The following CEL variants were observed in gnomAD, a reference collection of about 807,000 sequenced individuals.
CEL encodes carboxyl ester lipase.
Under a neutral mutation model 57.1 loss-of-function variants are expected in CEL, and 39 were observed. The ratio of observed to expected loss-of-function variants is 0.68; its 90% confidence interval spans 0.53 to 0.89. The LOEUF is 0.89. CEL is among the 40% of genes least tolerant of loss of function. The pLI, the probability that CEL is intolerant of heterozygous loss-of-function variation, is 0.00. For synonymous variants in CEL, 314 were observed against 396.6 expected, an observed-to-expected ratio of 0.79 and a Z score of 2.48; for missense variants, 698 against 915.0, an observed-to-expected ratio of 0.76 and a Z score of 3.06.
chr9:133,066,824 T>G lies in CEL; in HGVS notation c.670-14T>G. ...GGGGAGCGGCCTTGGTGACGGGATT[T>G]CTGGGTCCCGTAGACCCTCTCCCCC... On this transcript the variant is annotated splice_polypyrimidine_tract_variant and intron_variant, in intron 5 of 10. Coordinates refer to ENST00000372080, the MANE Select transcript of CEL (RefSeq NM_001807.6). The surrounding 1 kb of genome is among the most constrained non-coding windows in gnomAD (Gnocchi z 4.3). 1.9e-6 allele frequency: 3 copies of G among 1,610,402 alleles called. No homozygotes were observed. The highest frequency in any genetic ancestry group is 2.5e-6 in the Non-Finnish European group (3 of 1,178,310).
At chr9:133,070,298 GT>G (rs1830239617) in intron 9 of CEL, among the ~76,000 whole-genome samples, 162 bp from the exon 10 acceptor site, 1 of 147,758 alleles carries the variant, frequency 6.8e-6, no homozygotes, top group South Asian at 2.2e-4. Context: ...CATGAATTTG[GT>G]TCTCAGCTTT....
chr9:133,070,374 T>G (rs2119068555), intron 9 of CEL, 87 bp from the exon 10 acceptor site: 1 of 1,122,030 alleles, frequency 8.9e-7, no homozygotes, highest in Non-Finnish European at 1.3e-6. Context: ...CCCTGCCCAC[T>G]GCCCGGGACC....
Position 133,065,241 on chromosome 9 carries a change from C to T in CEL, c.538+4C>T, listed in dbSNP as rs368601800. The T allele has an allele frequency of 1.1e-5, 18 of 1,612,314 alleles. No individual in the cohort carries two copies. Among genetic ancestry groups the T allele is most frequent in the African/African-American group, 6.7e-5 (5 of 74,936 alleles). ...ACTGGGGACGCCAATCTGCCAGGTG[C>T]GTGGGTGCCTTCGGCCCTGAGGTGG... is the stretch of plus-strand genomic sequence containing the variant. On this transcript the variant is annotated splice_donor_region_variant and intron_variant, in intron 4 of 10. Coordinates refer to ENST00000372080, the MANE Select transcript of CEL (RefSeq NM_001807.6).
chr9:133,069,747 G>A (rs1218433606), intron 9 of CEL, among the ~76,000 whole-genome samples: 3 of 152,090 alleles, frequency 2.0e-5, no homozygotes, highest in African/African-American at 7.3e-5. Context: ...AAGGTGGGAG[G>A]ATCACTTGAG....
Position 133,064,646 on chromosome 9 carries a change from T to A in CEL, c.224T>A (p.Leu75Gln). 6.2e-7 allele frequency: 1 copy of A among 1,613,904 alleles called. No homozygotes were observed. The highest frequency in any genetic ancestry group is 1.3e-5 in the African/African-American group (1 of 75,024). The change falls in exon 3 of 11, where the codon CTG (leucine) becomes CAG (glutamine). Residue 75 changes from leucine to glutamine, a missense_variant. Transcript: ENST00000372080. ...PQPHPGWQGTLKAKNFKKRCL... is the reference protein window; with the variant it reads ...PQPHPGWQGTQKAKNFKKRCL... ...CAACTCCTGCCACCTGCAGGGACCC[T>A]GAAGGCCAAGAACTTCAAGAAGAGA...
At chr9:133,063,777 G>A (rs930017154) in intron 1 of CEL, among the ~76,000 whole-genome samples, 4 of 152,198 alleles carry the variant, frequency 2.6e-5, no homozygotes, top group Non-Finnish European at 5.9e-5. Flanking sequence ...ACAGGGAAGC[G>A]TGGCGGGGGT....
intron 3 of CEL, 76 bp downstream of exon 3, chr9:133,064,838 G>A: frequency 6.2e-7 from 1 of 1,605,504 alleles, no homozygotes; most frequent in Non-Finnish European, 8.5e-7. Context: ...CTTGAGTCTG[G>A]GGGCTGCAAA....
chr9:133,071,283 C>A lies in CEL; in HGVS notation c.1781C>A (p.Pro594Gln). ...PTGDSGAPPV[P>Q]PTGDSGAPPV... is the part of the protein sequence containing the mutation. ...GGTGACTCCGGGGCCCCCCCCGTGCCGCCCACGGGTGACTCCGGGGCCCCC... is the reference window on the plus strand; with the variant it reads ...GGTGACTCCGGGGCCCCCCCCGTGCAGCCCACGGGTGACTCCGGGGCCCCC... Residue 594 changes from proline to glutamine, a missense_variant, in exon 11 of 11, where the codon CCG becomes CAG. Pro to Gln is a moderately conservative substitution (Grantham distance 76). Coordinates refer to ENST00000372080, the MANE Select transcript of CEL (RefSeq NM_001807.6). 2 of 1,391,380 alleles carry A rather than the reference C, an allele frequency of 1.4e-6. No homozygotes were observed. The highest frequency in any genetic ancestry group is 1.9e-6 in the Non-Finnish European group (2 of 1,030,036). The allele number at this position is 1,391,380 out of a possible 1,614,324, so 86.2% of individuals were successfully genotyped here.
rs1386675594 is a variant in CEL at position 133,066,248 on chromosome 9, C to T, written c.539-282C>T. Among the ~76,000 whole-genome samples, 1 of 151,768 alleles carries T rather than the reference C, an allele frequency of 6.6e-6. No homozygotes were observed. The highest frequency in any genetic ancestry group is 6.6e-5 in the Admixed American group (1 of 15,240). ...ACCACCCCCTCCAGCACCACACCAA[C>T]CCAACCTCCTGGGGACCCACCCCAT... On this transcript the variant is annotated intron_variant, in intron 4 of 10. Coordinates refer to ENST00000372080, the MANE Select transcript of CEL (RefSeq NM_001807.6). The surrounding 1 kb of genome is among the most constrained non-coding windows in gnomAD (Gnocchi z 4.3).
Position 133,066,970 on chromosome 9 carries a change from G to GGGGGGGT in CEL, c.777+25_777+26insGGGGGGT. 6.3e-7 allele frequency: 1 copy of GGGGGGGT among 1,580,654 alleles called. No individual in the cohort carries two copies. The highest frequency in any genetic ancestry group is 8.7e-7 in the Non-Finnish European group (1 of 1,150,286). ...GGTAAACGGAGGAGGGCAGGGCTGG[G>GGGGGGGT]CGGGGTGGGGGCTGTCCACATTTCC... On this transcript the variant is annotated intron_variant, in intron 6 of 10. Coordinates refer to ENST00000372080, the MANE Select transcript of CEL (RefSeq NM_001807.6). This position sits in a 1 kb window ranked among gnomAD's most constrained non-coding sequence, Gnocchi z 4.3.
chr9:133,065,602 G>A (rs1177656016), intron 4 of CEL, among the ~76,000 whole-genome samples: 1 of 152,180 alleles, frequency 6.6e-6, no homozygotes, highest in South Asian at 2.1e-4. Flanking sequence ...ATCCCAGCAC[G>A]TTGGGAGCCC....
chr9:133,064,955 G>A (rs1564210658), intron 3 of CEL, 85 bp from the exon 4 acceptor site: 1 of 1,579,228 alleles, frequency 6.3e-7, no homozygotes, highest in Admixed American at 1.7e-5. Context: ...CTTGGCCCCA[G>A]GCACCTGCTG....
rs1830234903 is a variant in CEL, at chr9:133,069,840, G to A, written c.1286+581G>A. Reference sequence around the variant, plus strand: ...ACAAAAATTATCCAGGCATGGTGGTGCATGCCTATAATCCTAGCTACTCAG... The same window carrying A: ...ACAAAAATTATCCAGGCATGGTGGTACATGCCTATAATCCTAGCTACTCAG... On this transcript the variant is annotated intron_variant, in intron 9 of 10. Transcript: ENST00000372080. Among the ~76,000 whole-genome samples, 3 of 152,154 alleles carry A rather than the reference G, an allele frequency of 2.0e-5. 1 individual carries two copies. The highest frequency in any genetic ancestry group is 4.1e-4 in the South Asian group (2 of 4,822).
Position 133,067,183 on chromosome 9 carries a change from G to T in CEL, c.873G>T (p.Lys291Asn). The T allele has an allele frequency of 6.2e-7, 1 of 1,614,008 alleles. No homozygotes were observed. Residue 291 changes from lysine (K) to asparagine (N), a missense_variant, in exon 7 of 11, where the codon AAG becomes AAT. By Grantham distance (94) the Lys-to-Asn change is moderately conservative. This residue lies in a region of CEL where 327 missense variants were observed against 374.1 expected (regional missense o/e 0.87). Coordinates refer to ENST00000372080, the MANE Select transcript of CEL (RefSeq NM_001807.6). ...TDPRALTLAY[K>N]VPLAGLEYPM... ...CCCGAGCCCTGACGCTGGCCTATAAGGTGCCGCTGGCAGGCCTGGAGTGTG... is the reference window on the plus strand; with the variant it reads ...CCCGAGCCCTGACGCTGGCCTATAATGTGCCGCTGGCAGGCCTGGAGTGTG...
rs377616088 is a variant in CEL, at chr9:133,068,668, C to A, written c.896-4C>A. The A allele has an allele frequency of 3.2e-5, 51 of 1,613,248 alleles. No homozygotes were observed. In the African/African-American group the frequency reaches 6.3e-4, roughly 20 times the overall value. ...CCTGCTAACCTGCTGGCTCTCCCAC[C>A]CAGACCCCATGCTGCACTATGTGGG... On this transcript the variant is annotated splice_polypyrimidine_tract_variant and splice_region_variant and intron_variant, in intron 7 of 10. Transcript: ENST00000372080.
chr9:133,062,907 G>A lies in CEL; in HGVS notation c.66+839G>A, dbSNP rs1320732335. 3.5e-4 allele frequency among the ~76,000 whole-genome samples: 53 copies of A among 151,098 alleles called. No homozygotes were observed. In the Admixed American group the frequency reaches 3.5e-3, roughly 10 times the overall value. ...GTCCCTCCAGAAAGAGAGCCGGCAG[G>A]CAGGAGCTCTCTCGAGGCATCCATA... is the stretch of plus-strand genomic sequence containing the variant. On this transcript the variant is annotated intron_variant, in intron 1 of 10. Coordinates refer to ENST00000372080, the MANE Select transcript of CEL (RefSeq NM_001807.6).
At chr9:133,065,914 A>G (rs1381986393) in intron 4 of CEL, among the ~76,000 whole-genome samples, 1 of 149,726 alleles carries the variant, frequency 6.7e-6, no homozygotes, top group African/African-American at 2.5e-5. Flanking sequence ...GCTACCTGGG[A>G]GGCAGAGGTG....
chr9:133,068,748 C>G lies in CEL; in HGVS notation c.972C>G (p.Tyr324Ter). 7 of 1,602,606 alleles carry G rather than the reference C, an allele frequency of 4.4e-6. No homozygotes were observed. Among genetic ancestry groups the G allele is most frequent in the Non-Finnish European group, 6.0e-6 (7 of 1,174,940 alleles). The change falls in exon 8 of 11, where the codon TAC (tyrosine) becomes TAG (stop). Residue 324 changes from tyrosine to a stop codon, truncating the protein, a stop_gained. Coordinates refer to ENST00000372080, the MANE Select transcript of CEL (RefSeq NM_001807.6). LOFTEE classifies it high-confidence loss of function. ...DFIPADPINL[Y>*]ANAADIDYIA... The stretch of plus-strand genomic sequence containing the variant: ...TCCCCGCTGACCCGATCAACCTGTA[C>G]GCCAACGCCGCCGACATCGACTATA...
rs748489383 is a variant in CEL at position 133,070,656 on chromosome 9, A to C, written c.1482A>C (p.Thr494=). 5.6e-6 allele frequency: 9 copies of C among 1,614,180 alleles called. No individual in the cohort carries two copies. Among genetic ancestry groups the C allele is most frequent in the Non-Finnish European group, 6.8e-6 (8 of 1,180,036 alleles). ...CCTACTGGACCAACTTTGCCAAAAC[A>C]GGGTAAGACGTGGGTTGAGTGCAGG... The part of the protein sequence containing the change: ...MIAYWTNFAK[T]GDPNMGDSAV... Residue 494 remains threonine, a splice_region_variant and synonymous_variant, in exon 10 of 11, where the codon ACA becomes ACC. Transcript: ENST00000372080.
Sources: allele counts gnomAD v4.1 joint callset (sites outside exome capture counted in the v4.1 genomes callset), GRCh38; gene constraint gnomAD v4.1.1; regional missense constraint gnomAD v4.1.1; non-coding constraint Gnocchi (gnomAD v3.1); transcripts MANE v1.5; gene names NCBI Gene and HGNC (gene_info 2026-07-23, HGNC 2026-07-21).